Variants in GNG2 observed in about 807,000 individuals in gnomAD.
GNG2 encodes guanine nucleotide-binding protein G(I)/G(S)/G(O) subunit gamma-2.
A neutral mutation model predicts 5.5 loss-of-function variants in GNG2; 5 were observed. The observed-to-expected ratio is 0.91, with a 90% confidence interval of 0.48 to 1.92. The LOEUF (loss-of-function observed/expected upper bound fraction) is 1.92. Ranked by LOEUF, GNG2 falls within the 30% of genes most tolerant of loss-of-function variation. The pLI is 0.01. For missense variants in GNG2, 55 were observed against 88.4 expected, an observed-to-expected ratio of 0.62 and a Z score of 1.52; for synonymous variants, 28 against 32.0, an observed-to-expected ratio of 0.88 and a Z score of 0.42.
intron 2 of GNG2, among the ~76,000 whole-genome samples, chr14:51,921,206 T>C (rs753668781): frequency 4.6e-5 from 7 of 152,178 alleles, no homozygotes; most frequent in Admixed American, 6.5e-5. Context: ...TTTCTTAACT[T>C]CTCTGTGCCT....
chr14:51,872,117 G>A (rs148896381), intron 1 of GNG2, among the ~76,000 whole-genome samples: 38 of 152,316 alleles, frequency 2.5e-4, no homozygotes, highest in Non-Finnish European at 4.9e-4. Flanking sequence ...CTGCTAAACC[G>A]CAGTGGACAT....
At chr14:51,907,668 G>A (rs996225192) in intron 2 of GNG2, among the ~76,000 whole-genome samples, 1 of 152,140 alleles carries the variant, frequency 6.6e-6, no homozygotes, top group African/African-American at 2.4e-5. Flanking sequence ...AGATAGAAAA[G>A]GTAGAAGTCT....
Position 51,838,697 on chromosome 14 carries a change from A to G in GNG2, c.64+10890A>G, listed in dbSNP as rs1108559. 8.8e-3 allele frequency among the ~76,000 whole-genome samples: 1,338 copies of G among 152,322 alleles called. 62 individuals carry two copies. The highest frequency in any genetic ancestry group is 0.076 in the Admixed American group (1,168 of 15,302). On this transcript the variant is annotated intron_variant, in intron 2 of 3. Coordinates refer to the GNG2 transcript ENST00000553432. Reference sequence around the variant, plus strand: ...TCCCGTTTATATATACATCTATCGTATGTCCCTCTAGAGAACTCTAGCTAA... The same window carrying G: ...TCCCGTTTATATATACATCTATCGTGTGTCCCTCTAGAGAACTCTAGCTAA...
At chr14:51,936,822 C>T (rs749093125) in intron 2 of GNG2, among the ~76,000 whole-genome samples, 3 of 152,072 alleles carry the variant, frequency 2.0e-5, no homozygotes, top group Non-Finnish European at 2.9e-5. Context: ...GGATTGTAGG[C>T]GTGAGTCACC....
chr14:51,950,906 T>C (rs767569354), intron 3 of GNG2, 141 bp downstream of exon 3: 5 of 463,092 alleles, frequency 1.1e-5, no homozygotes, highest in Non-Finnish European at 1.9e-5. Flanking sequence ...TTCTAACGTG[T>C]CTTTCCCTTC....
At chr14:51,864,006 T>A (rs574759599) in intron 1 of GNG2, among the ~76,000 whole-genome samples, 1 of 152,204 alleles carries the variant, frequency 6.6e-6, no homozygotes, top group Non-Finnish European at 1.5e-5. Flanking sequence ...GAGTCCCTGC[T>A]TTTACTTCTT....
chr14:51,929,637 T>C (rs926204999), intron 2 of GNG2, among the ~76,000 whole-genome samples: 15 of 152,300 alleles, frequency 9.8e-5, no homozygotes, highest in Admixed American at 2.6e-4. Context: ...CTAAAAGTCA[T>C]GCCTATCTCT....
chr14:51,896,568 T>C (rs1342019478), intron 2 of GNG2, among the ~76,000 whole-genome samples: 1 of 152,222 alleles, frequency 6.6e-6, no homozygotes, highest in African/African-American at 2.4e-5. Context: ...GCTTTGGGTT[T>C]TATTATTGCT....
intron 1 of GNG2, among the ~76,000 whole-genome samples, chr14:51,874,266 A>G (rs1883499572): frequency 6.6e-6 from 1 of 152,098 alleles, no homozygotes; most frequent in South Asian, 2.1e-4. Context: ...TCTACTAAAA[A>G]TACAAAAAAT....
At chr14:51,948,057 A>G (rs538177284) in intron 2 of GNG2, among the ~76,000 whole-genome samples, 1 of 152,244 alleles carries the variant, frequency 6.6e-6, no homozygotes, top group Non-Finnish European at 1.5e-5. Context: ...TGATCAATGC[A>G]GATGCCTCCC....
intron 2 of GNG2, among the ~76,000 whole-genome samples, chr14:51,943,595 A>C (rs1227915052): frequency 2.0e-5 from 3 of 152,234 alleles, no homozygotes; most frequent in African/African-American, 7.2e-5. Context: ...ACTCATGTGA[A>C]GGTAGAAGAC....
At chr14:51,945,133 C>CAAA (rs138395214) in intron 2 of GNG2, among the ~76,000 whole-genome samples, 4,688 of 150,308 alleles carry the variant, frequency 0.031, 175 homozygotes, top group East Asian at 0.14. Context: ...AACAAACAAA[C>CAAA]AAAAAAAACG....
chr14:51,960,408 A>G (rs1481931595), intron 3 of GNG2, among the ~76,000 whole-genome samples: 32 of 151,900 alleles, frequency 2.1e-4, no homozygotes, highest in Admixed American at 2.1e-3. Context: ...TGTGGACAAT[A>G]TTAACAATTG....
At chr14:51,934,081 C>T (rs1245252559) in intron 2 of GNG2, among the ~76,000 whole-genome samples, 1 of 152,084 alleles carries the variant, frequency 6.6e-6, no homozygotes, top group Non-Finnish European at 1.5e-5. Flanking sequence ...ATTTTATCAG[C>T]CAGTATGATG....
chr14:51,895,653 A>T (rs1885142615), intron 2 of GNG2, among the ~76,000 whole-genome samples: 1 of 152,224 alleles, frequency 6.6e-6, no homozygotes, highest in African/African-American at 2.4e-5. Context: ...TCCAGGCAAG[A>T]TGTCATTCAT....
intron 2 of GNG2, among the ~76,000 whole-genome samples, chr14:51,837,012 C>T (rs943642254): frequency 2.0e-5 from 3 of 151,892 alleles, no homozygotes; most frequent in Non-Finnish European, 4.4e-5. Flanking sequence ...CACCTGCCAC[C>T]ACACCTGGCT....
At chr14:51,912,620 A>G (rs957095082) in intron 2 of GNG2, among the ~76,000 whole-genome samples, 7 of 152,216 alleles carry the variant, frequency 4.6e-5, no homozygotes, top group African/African-American at 1.7e-4. Context: ...GCCCAGGGGT[A>G]AAATTCCCAA....
intron 1 of GNG2, among the ~76,000 whole-genome samples, chr14:51,875,666 C>A (rs1883606647): frequency 6.7e-6 from 1 of 150,194 alleles, no homozygotes; most frequent in African/African-American, 2.4e-5. Flanking sequence ...CATGTTAGTG[C>A]ATATATATTA....
intron 2 of GNG2, among the ~76,000 whole-genome samples, chr14:51,949,788 A>G (rs942782129): frequency 4.6e-5 from 7 of 152,192 alleles, no homozygotes; most frequent in African/African-American, 1.4e-4. Flanking sequence ...AAAATAAGGT[A>G]TTTTCCAAGA....
Sources: allele counts gnomAD v4.1 joint callset (sites outside exome capture counted in the v4.1 genomes callset), GRCh38; gene constraint gnomAD v4.1.1; transcripts MANE v1.5; gene names NCBI Gene and HGNC (gene_info 2026-07-23, HGNC 2026-07-21).